Variants in PKHD1L1 observed in about 807,000 individuals in gnomAD.
The protein encoded by PKHD1L1 is PKHD1 like 1.
A neutral mutation model predicts 462.9 loss-of-function variants in PKHD1L1; 434 were observed. The ratio of observed to expected loss-of-function variants is 0.94; its 90% CI spans 0.87 to 1.02. The LOEUF (loss-of-function observed/expected upper bound fraction) is 1.02. PKHD1L1 is among the 50% of genes least tolerant of loss of function. The pLI, the probability that PKHD1L1 is intolerant of heterozygous loss-of-function variation, is 0.00. For missense variants in PKHD1L1, 5,202 were observed against 5,096.1 expected, an observed-to-expected ratio of 1.02 and a Z score of -0.63; for synonymous variants, 1,781 against 1,750.0, an observed-to-expected ratio of 1.02 and a Z score of -0.44.
chr8:109,400,944 T>A (rs941911825), intron 13 of PKHD1L1, among the ~76,000 whole-genome samples: 19 of 145,392 alleles, frequency 1.3e-4, no homozygotes, highest in Non-Finnish European at 2.3e-4. Context: ...GCAAGATTGC[T>A]TCCCAAACTG....
Position 109,518,296 on chromosome 8 carries a change from T to C in PKHD1L1, c.11819T>C (p.Val3940Ala), listed in dbSNP as rs148820428. The part of the protein sequence containing the change: ...VEIHTATVIF[V>A]SFQLSVATED... Reference sequence around the variant, plus strand: ...ATTCACACTGCCACAGTGATATTTGTTTCTTTCCAATTATCTGTTGCAACA... The same window carrying C: ...ATTCACACTGCCACAGTGATATTTGCTTCTTTCCAATTATCTGTTGCAACA... The change falls in exon 73 of 78, where the codon GTT (valine) becomes GCT (alanine). Residue 3940 changes from valine (V) to alanine (A), a missense_variant. Val to Ala is a moderately conservative substitution (Grantham distance 64). Coordinates refer to ENST00000378402, the MANE Select transcript of PKHD1L1 (RefSeq NM_177531.6). 1.2e-6 allele frequency: 2 copies of C among 1,612,618 alleles called. No homozygotes were observed. Among genetic ancestry groups the C allele is most frequent in the Admixed American group, 3.3e-5 (2 of 59,938 alleles).
Position 109,448,138 on chromosome 8 carries a change from TTA to T in PKHD1L1, c.5777-4_5777-3del. On this transcript the variant is annotated splice_polypyrimidine_tract_variant and splice_region_variant and intron_variant, in intron 38 of 77. Transcript: ENST00000378402. ...TTTATATTGTGTGCTTTTTTTTTTTTTAAGGTCCACCAGGAACTGAAATTGAG... is the reference window on the plus strand; with the variant it reads ...TTTATATTGTGTGCTTTTTTTTTTTTAGGTCCACCAGGAACTGAAATTGAG... 6.3e-7 allele frequency: 1 copy of T among 1,586,448 alleles called. No homozygotes were observed. Among genetic ancestry groups the T allele is most frequent in the South Asian group, 1.2e-5 (1 of 86,692 alleles).
chr8:109,531,675 G>T lies in PKHD1L1; in HGVS notation c.*1585G>T, dbSNP rs958702952. 6.6e-6 allele frequency among the ~76,000 whole-genome samples: 1 copy of T among 152,156 alleles called. No individual in the cohort carries two copies. Among genetic ancestry groups the T allele is most frequent in the East Asian group, 1.9e-4 (1 of 5,186 alleles). On this transcript the variant is annotated 3_prime_UTR_variant, in exon 78 of 78. Coordinates refer to ENST00000378402, the MANE Select transcript of PKHD1L1 (RefSeq NM_177531.6). ...GAATGGAAATAGTCACAATTTTAAG[G>T]GAATTGCAGGTAAGAGGTCCCTGAC...
intron 2 of PKHD1L1, among the ~76,000 whole-genome samples, chr8:109,379,298 A>G (rs1261689918): frequency 1.3e-5 from 2 of 152,130 alleles, no homozygotes; most frequent in East Asian, 1.9e-4. Flanking sequence ...TCCTCTTTCT[A>G]CAGTTCTCTG....
At chr8:109,400,437 T>C (rs1813216339) in intron 13 of PKHD1L1, 93 bp downstream of exon 13, 1 of 1,357,260 alleles carries the variant, frequency 7.4e-7, no homozygotes, top group Admixed American at 2.5e-5. Flanking sequence ...ATGAACATTT[T>C]TAAAATGTAT....
chr8:109,450,582 T>C (rs778554930), intron 40 of PKHD1L1, among the ~76,000 whole-genome samples: 62 of 152,340 alleles, frequency 4.1e-4, no homozygotes, highest in Admixed American at 3.9e-3. Flanking sequence ...CAGGTTTCTG[T>C]AGTCCTTGTC....
intron 62 of PKHD1L1, among the ~76,000 whole-genome samples, chr8:109,492,247 G>C (rs1272657938): frequency 2.6e-5 from 4 of 151,524 alleles, no homozygotes; most frequent in African/African-American, 9.7e-5. Flanking sequence ...AGTGCTTTAG[G>C]TGTATTGCTA....
rs200205824 is a variant in PKHD1L1 at position 109,409,916 on chromosome 8, G to A, written c.2023G>A (p.Ala675Thr). Reference protein sequence around the residue: ...MVSTKCPPQIANFEEGFVVKY... With the variant: ...MVSTKCPPQITNFEEGFVVKY... ...TAGCACTAAGTGTCCACCACAAATT[G>A]CAAATTTTGAAGAAGGATTTGTTGT... Residue 675 changes from alanine (A) to threonine (T), a missense_variant, in exon 19 of 78, where the codon GCA (alanine) becomes ACA (threonine). Physicochemically the swap from Ala to Thr is moderately conservative, Grantham distance 58. This residue lies in a region of PKHD1L1 where 4,497 missense variants were observed against 4,336.8 expected (regional missense o/e 1.04). Coordinates refer to ENST00000378402, the MANE Select transcript of PKHD1L1 (RefSeq NM_177531.6). 134 of 1,607,328 alleles carry A rather than the reference G, an allele frequency of 8.3e-5. 1 individual carries two copies. The African/African-American group carries it at 1.4e-3, about 17-fold the overall frequency.
intron 33 of PKHD1L1, 144 bp downstream of exon 33, chr8:109,440,996 G>C: frequency 9.8e-7 from 1 of 1,016,470 alleles, no homozygotes; most frequent in Non-Finnish European, 1.4e-6. Context: ...TTTGGTTAAA[G>C]TGATAAAGAG....
Position 109,382,531 on chromosome 8 carries a change from C to T in PKHD1L1, c.377C>T (p.Thr126Ile), listed in dbSNP as rs748353239. Residue 126 changes from threonine (T) to isoleucine (I), a missense_variant, in exon 4 of 78, where the codon ACC (threonine) becomes ATC (isoleucine). Thr to Ile is a moderately conservative substitution (Grantham distance 89). This residue lies in a region of PKHD1L1 where 4,497 missense variants were observed against 4,336.8 expected (regional missense o/e 1.04). Transcript: ENST00000378402. ...VDGVPVTENN[T>I]CKGHINSWEC... Reference sequence around the variant, plus strand: ...GGGGTTCCTGTTACGGAAAATAACACCTGCAAAGGTCACATCAACAGCTGG... The same window carrying T: ...GGGGTTCCTGTTACGGAAAATAACATCTGCAAAGGTCACATCAACAGCTGG... 3.7e-5 allele frequency: 59 copies of T among 1,612,536 alleles called. No individual in the cohort carries two copies. In the East Asian group the frequency reaches 1.3e-3, roughly 35 times the overall value.
intron 19 of PKHD1L1, among the ~76,000 whole-genome samples, chr8:109,410,726 C>CTTTTTTTTTTTTTTTTG (rs1813799688): frequency 1.5e-5 from 1 of 68,402 alleles, no homozygotes; most frequent in Admixed American, 1.9e-4. Context: ...TTTTCTTTTT[C>CTTTTTTTTTTTTTTTTG]TTTTTTTTTT....
At chr8:109,375,133 T>C (rs1173105372) in intron 2 of PKHD1L1, among the ~76,000 whole-genome samples, 1 of 152,264 alleles carries the variant, frequency 6.6e-6, no homozygotes, top group Non-Finnish European at 1.5e-5. Flanking sequence ...CACTTTCAGG[T>C]ACACCAATTA....
chr8:109,512,576 C>T (rs1820050249), intron 71 of PKHD1L1, among the ~76,000 whole-genome samples: 1 of 150,518 alleles, frequency 6.6e-6, no homozygotes, highest in Non-Finnish European at 1.5e-5. Flanking sequence ...GGTACCAGTA[C>T]CATGCTGTTT....
chr8:109,461,189 C>A (rs1019032609), intron 47 of PKHD1L1, among the ~76,000 whole-genome samples: 3 of 152,102 alleles, frequency 2.0e-5, no homozygotes, highest in African/African-American at 4.8e-5. Flanking sequence ...AGTAGTTGAA[C>A]AATAACTGAT....
chr8:109,526,602 T>C (rs377089207), intron 76 of PKHD1L1, among the ~76,000 whole-genome samples, 182 bp from the exon 77 acceptor site: 2 of 152,236 alleles, frequency 1.3e-5, no homozygotes, highest in Admixed American at 6.5e-5. Context: ...GATAGAACTC[T>C]TCTAACTCTG....
chr8:109,378,027 AC>A (rs1811925821), intron 2 of PKHD1L1, among the ~76,000 whole-genome samples: 1 of 152,118 alleles, frequency 6.6e-6, no homozygotes, highest in African/African-American at 2.4e-5. Flanking sequence ...ATGCAAATAT[AC>A]TGTTATTCTG....
chr8:109,406,368 T>A lies in PKHD1L1; in HGVS notation c.1703T>A (p.Leu568Gln), dbSNP rs1396772053. The A allele has an allele frequency of 5.8e-6, 9 of 1,556,690 alleles. No individual in the cohort carries two copies. The highest frequency in any genetic ancestry group is 6.1e-6 in the Non-Finnish European group (7 of 1,149,498). ...FLPADASEFI[L>Q]QSALNDLWSI... ...CCTGCTGATGCTTCTGAATTCATAC[T>A]GCAATCAGCCTTGAATGACCTCTGG... Residue 568 changes from leucine to glutamine, a missense_variant, in exon 17 of 78, where the codon CTG (leucine) becomes CAG (glutamine). Physicochemically the swap from Leu to Gln is moderately radical, Grantham distance 113. Transcript: ENST00000378402.
At position 109,479,569 on chromosome 8, in the gene PKHD1L1, T is replaced by C. The variant is rs751596328; in HGVS notation, c.9108T>C (p.Ser3036=). 5.9e-6 allele frequency: 9 copies of C among 1,521,716 alleles called. No homozygotes were observed. Among genetic ancestry groups the C allele is most frequent in the Middle Eastern group, 1.7e-4 (1 of 5,870 alleles). The allele number at this position is 1,521,716 out of a possible 1,614,324, so 94.3% of individuals were successfully genotyped here. A position where few individuals can be genotyped will look rare whatever the true frequency, so the allele number is the denominator to read the frequency against. ...TTTTCAGTTTATGGTCAAATGATTC[T>C]TTTTGGCAATCATCACGAGAAAATA... is the stretch of plus-strand genomic sequence containing the variant. ...PATYNLWSND[S]FWQSSRENNY... The change falls in exon 54 of 78, where the codon TCT becomes TCC. Residue 3036 remains serine (S), a synonymous_variant. Coordinates refer to ENST00000378402, the MANE Select transcript of PKHD1L1 (RefSeq NM_177531.6).
intron 6 of PKHD1L1, among the ~76,000 whole-genome samples, chr8:109,388,141 A>G (rs1812528026): frequency 6.6e-6 from 1 of 152,284 alleles, no homozygotes; most frequent in East Asian, 1.9e-4. Context: ...TGAACTTCAG[A>G]TGGATGACTT....
Sources: gnomAD v4.1 joint callset for allele counts (sites outside exome capture counted in the v4.1 genomes callset) on GRCh38, gnomAD v4.1.1 for gene constraint, gnomAD v4.1.1 regional missense constraint, MANE v1.5 for transcripts, NCBI Gene and HGNC (gene_info 2026-07-23, HGNC 2026-07-21) for gene names.